CHLSN: variants seen among roughly 807,000 people sequenced by gnomAD.
The protein encoded by CHLSN is cholesin, also known as protein cholesin.
the CHLSN span, among the ~76,000 whole-genome samples, chr7:1,103,802 C>T: frequency 1.3e-5 from 2 of 152,240 alleles, no homozygotes; most frequent in Non-Finnish European, 2.9e-5. Flanking sequence ...CCCCACTTCA[C>T]GGTGAGACAC....
the CHLSN span, among the ~76,000 whole-genome samples, chr7:1,047,830 T>A: frequency 6.6e-6 from 1 of 152,222 alleles, no homozygotes; most frequent in East Asian, 1.9e-4. Context: ...CTGCCTGCTC[T>A]CCTTTCTACT....
the CHLSN span, among the ~76,000 whole-genome samples, chr7:982,363 C>CCGCCTG: frequency 2.6e-5 from 4 of 152,244 alleles, no homozygotes; most frequent in African/African-American, 9.6e-5. Flanking sequence ...GGGGAGGGTC[C>CCGCCTG]CGCCTGCTGG....
the CHLSN span, among the ~76,000 whole-genome samples, chr7:1,133,101 C>T: frequency 6.6e-6 from 1 of 152,110 alleles, no homozygotes; most frequent in Non-Finnish European, 1.5e-5. Context: ...ACTATTCAGC[C>T]ACCAGAGGAA....
the CHLSN span, among the ~76,000 whole-genome samples, chr7:1,113,863 G>A: frequency 3.3e-5 from 5 of 152,186 alleles, no homozygotes; most frequent in Admixed American, 1.3e-4. Context: ...TCCAGGACCC[G>A]GCCTGGACGG....
chr7:1,052,390 G>C, the CHLSN span, among the ~76,000 whole-genome samples: 1 of 152,232 alleles, frequency 6.6e-6, no homozygotes, highest in Non-Finnish European at 1.5e-5. This position sits in a 1 kb window ranked among gnomAD's most constrained non-coding sequence, Gnocchi z 4.2. Flanking sequence ...GCCTGGGGAG[G>C]GACCTGTGTG....
At chr7:1,038,348 T>G in the CHLSN span, among the ~76,000 whole-genome samples, 3 of 73,182 alleles carry the variant, frequency 4.1e-5, no homozygotes, top group Non-Finnish European at 5.7e-5. Flanking sequence ...GTCCGGGAGG[T>G]GAGGGGTGCC....
chr7:1,104,533 A>G, the CHLSN span, among the ~76,000 whole-genome samples: 1 of 152,346 alleles, frequency 6.6e-6, no homozygotes, highest in East Asian at 1.9e-4. Context: ...ATCACAGCAG[A>G]GCTTTCCTCC....
At chr7:1,105,351 G>A in the CHLSN span, among the ~76,000 whole-genome samples, 3 of 152,238 alleles carry the variant, frequency 2.0e-5, no homozygotes, top group African/African-American at 7.2e-5. Context: ...CCGGCCGGCT[G>A]TGGAACAGGC....
At chr7:1,136,184 T>TATA in the CHLSN span, among the ~76,000 whole-genome samples, 5,537 of 103,626 alleles carry the variant, frequency 0.053, 489 homozygotes, top group African/African-American at 0.16. Context: ...ATATACATAA[T>TATA]TATAAATATA....
the CHLSN span, among the ~76,000 whole-genome samples, chr7:1,078,793 T>A: frequency 6.6e-6 from 1 of 152,370 alleles, no homozygotes; most frequent in Middle Eastern, 3.4e-3. Flanking sequence ...AGACAGAGGC[T>A]GGGAGCTCTG....
chr7:1,016,400 C>T, the CHLSN span, among the ~76,000 whole-genome samples: 1 of 91,150 alleles, frequency 1.1e-5, no homozygotes, highest in East Asian at 3.0e-4. Flanking sequence ...CGCCAGCACA[C>T]AGCAGCACAC....
the CHLSN span, among the ~76,000 whole-genome samples, chr7:984,240 G>A: frequency 6.6e-6 from 1 of 152,206 alleles, no homozygotes. Context: ...CAGGCTGGGC[G>A]CTGCCCCCTC....
chr7:979,432 G>A, the CHLSN span, among the ~76,000 whole-genome samples: 1 of 152,104 alleles, frequency 6.6e-6, no homozygotes, highest in South Asian at 2.1e-4. Context: ...CAAGGGCTAG[G>A]ATCGTTGACC....
the CHLSN span, among the ~76,000 whole-genome samples, chr7:1,023,355 G>C: frequency 8.1e-3 from 1,229 of 152,244 alleles, 13 homozygotes; most frequent in African/African-American, 0.029. This position sits in a 1 kb window ranked among gnomAD's most constrained non-coding sequence, Gnocchi z 5.0. Flanking sequence ...TAGGGAAGAC[G>C]CACAGGGGCT....
the CHLSN span, chr7:1,026,063 C>T: frequency 6.6e-6 from 1 of 152,256 alleles, no homozygotes; most frequent in East Asian, 1.9e-4. Context: ...CCCCTTGCCA[C>T]CTCCCAGAAT....
chr7:1,042,064 T>C, the CHLSN span, among the ~76,000 whole-genome samples: 54 of 150,104 alleles, frequency 3.6e-4, no homozygotes, highest in Middle Eastern at 6.8e-3. Flanking sequence ...AACTAGGGCA[T>C]CCCCCACCCG....
the CHLSN span, among the ~76,000 whole-genome samples, chr7:1,003,423 G>A: frequency 0.01 from 575 of 56,098 alleles, 7 homozygotes; most frequent in Middle Eastern, 0.12. Flanking sequence ...GGGGAGTCCT[G>A]TGGGTGAGTG....
At chr7:978,499 A>G in the CHLSN span, among the ~76,000 whole-genome samples, 1 of 152,214 alleles carries the variant, frequency 6.6e-6, no homozygotes, top group Non-Finnish European at 1.5e-5. Flanking sequence ...AGCCTGGGCA[A>G]AAAAGTGAGA....
chr7:978,959 C>T, the CHLSN span, among the ~76,000 whole-genome samples: 1 of 152,196 alleles, frequency 6.6e-6, no homozygotes, highest in Non-Finnish European at 1.5e-5. Context: ...CATGTGGAAG[C>T]CTGGCCACGG....
Sources: allele counts gnomAD v4.1 joint callset (sites outside exome capture counted in the v4.1 genomes callset), GRCh38; gene constraint gnomAD v4.1.1; non-coding constraint Gnocchi (gnomAD v3.1); transcripts MANE v1.5; gene names NCBI Gene and HGNC (gene_info 2026-07-23, HGNC 2026-07-21).